Variants in NPR3 observed in about 807,000 individuals in gnomAD.
NPR3 encodes atrial natriuretic peptide receptor 3.
In NPR3, 34 loss-of-function variants were observed where a neutral mutation model predicts 54.5. The ratio of observed to expected loss-of-function variants is 0.62; its 90% CI spans 0.47 to 0.83. NPR3 has a LOEUF of 0.83. Ranked by LOEUF, NPR3 falls within the 40% of genes least tolerant of loss-of-function variation. The pLI is 0.00. For synonymous variants in NPR3, 289 were observed against 297.1 expected (o/e 0.97, Z 0.28); for missense variants, 674 against 720.8 (o/e 0.94, Z 0.74).
chr5:32,745,002 A>G (rs1740222733), intron 3 of NPR3, among the ~76,000 whole-genome samples: 1 of 152,190 alleles, frequency 6.6e-6, no homozygotes, highest in African/African-American at 2.4e-5. Flanking sequence ...TATTGAATAG[A>G]AAGTACGTCA....
At chr5:32,733,209 C>T (rs564697525) in intron 2 of NPR3, among the ~76,000 whole-genome samples, 8 of 151,938 alleles carry the variant, frequency 5.3e-5, no homozygotes, top group East Asian at 1.9e-4. Flanking sequence ...ATTGATAGTG[C>T]GTCCATTATT....
At chr5:32,715,440 G>A (rs974596611) in intron 1 of NPR3, among the ~76,000 whole-genome samples, 2 of 151,970 alleles carry the variant, frequency 1.3e-5, no homozygotes, top group Non-Finnish European at 2.9e-5. Flanking sequence ...ATAATAATGC[G>A]ACTAAAATTT....
intron 1 of NPR3, among the ~76,000 whole-genome samples, chr5:32,723,366 G>A (rs965957577): frequency 6.6e-6 from 1 of 152,164 alleles, no homozygotes; most frequent in African/African-American, 2.4e-5. Context: ...AATTCGAGAG[G>A]CTCTCGAGTT....
rs1389727498 is a variant in NPR3 at position 32,694,789 on chromosome 5, A to C, written c.100+5603A>C. 4.6e-5 allele frequency among the ~76,000 whole-genome samples: 7 copies of C among 152,158 alleles called. 1 individual carries two copies. Among genetic ancestry groups the C allele is most frequent in the African/African-American group, 1.7e-4 (7 of 41,414 alleles). On this transcript the variant is annotated intron_variant, in intron 1 of 5. Coordinates refer to the NPR3 transcript ENST00000509104. ...ACCCTGTGGTGCTATAAAATACTAG[A>C]TCTTATTCATTTTATCTAAGTATAT...
chr5:32,733,127 G>A lies in NPR3; in HGVS notation c.893-5737G>A, dbSNP rs535979231. Among the ~76,000 whole-genome samples the A allele has an allele frequency of 3.9e-5, 6 of 152,218 alleles. No individual in the cohort carries two copies. The South Asian group carries it at 1.0e-3, about 26-fold the overall frequency. ...CCCAAAGTGCTGGGATTACAGACGTGAGCCACCGTGCCCGGCCAAGGCATC... is the reference window on the plus strand; with the variant it reads ...CCCAAAGTGCTGGGATTACAGACGTAAGCCACCGTGCCCGGCCAAGGCATC... On this transcript the variant is annotated intron_variant, in intron 2 of 7. Coordinates refer to ENST00000265074, the MANE Select transcript of NPR3 (RefSeq NM_001204375.2).
Position 32,789,318 on chromosome 5 carries a change from T to A in NPR3, c.*2973T>A, listed in dbSNP as rs1331663689. The A allele has an allele frequency of 9.2e-6, 4 of 434,980 alleles. No individual in the cohort carries two copies. Among genetic ancestry groups the A allele is most frequent in the Admixed American group, 5.7e-5 (2 of 35,398 alleles). The allele number at this position is 434,980 out of a possible 1,614,324, so 26.9% of individuals were successfully genotyped here. ...GGCCAGGTAGGGGGAGACTCAGAAA[T>A]AAAAGCGTTCCCCAGATAACTTCAA... On this transcript the variant is annotated 3_prime_UTR_variant, in exon 8 of 8. Transcript: ENST00000265074.
intron 3 of NPR3, among the ~76,000 whole-genome samples, chr5:32,763,069 C>T (rs996987547): frequency 1.3e-5 from 2 of 152,196 alleles, no homozygotes; most frequent in Admixed American, 6.5e-5. Context: ...GTTTTTCCAA[C>T]ACCATTTATT....
At position 32,759,930 on chromosome 5, in the gene NPR3, G is replaced by T. The variant is rs949194034; in HGVS notation, c.1060-14778G>T. ...CTTTTCTTTAAGAATGTTGAATATT[G>T]GCCCCCACTCTCTTCTGGCTTGTAG... On this transcript the variant is annotated intron_variant, in intron 3 of 7. Transcript: ENST00000265074. Among the ~76,000 whole-genome samples the T allele has an allele frequency of 5.9e-5, 9 of 152,114 alleles. No homozygotes were observed. The East Asian group carries it at 1.5e-3, about 26-fold the overall frequency.
chr5:32,750,390 C>G (rs1474180229), intron 3 of NPR3, among the ~76,000 whole-genome samples: 3 of 152,202 alleles, frequency 2.0e-5, no homozygotes, highest in African/African-American at 7.2e-5. Flanking sequence ...CCCACCTCAG[C>G]CTTCCAAAGT....
Position 32,786,351 on chromosome 5 carries a change from G to GC in NPR3, c.*12dup. ...CCCATTTTTCAGTAGCTTAAAGGAAGCCCCCCACTTTTTTTTTTTCTGCCT... is the reference window on the plus strand; with the variant it reads ...CCCATTTTTCAGTAGCTTAAAGGAAGCCCCCCCACTTTTTTTTTTTCTGCCT... On this transcript the variant is annotated 3_prime_UTR_variant, in exon 8 of 8. Transcript: ENST00000265074. 2.3e-6 allele frequency: 3 copies of GC among 1,278,722 alleles called. No homozygotes were observed. The highest frequency in any genetic ancestry group is 3.4e-6 in the Non-Finnish European group (3 of 892,126). 79.2% of individuals were successfully genotyped at this position (1,278,722 alleles called of 1,614,324 possible).
upstream of NPR3, among the ~76,000 whole-genome samples, chr5:32,706,396 T>C (rs1039790808): frequency 6.6e-6 from 1 of 152,226 alleles, no homozygotes; most frequent in East Asian, 1.9e-4. Flanking sequence ...TTTACCAACA[T>C]GATCCTGAAG....
chr5:32,770,738 T>A (rs1323416822), intron 3 of NPR3, among the ~76,000 whole-genome samples: 1 of 152,214 alleles, frequency 6.6e-6, no homozygotes, highest in Non-Finnish European at 1.5e-5. Context: ...TTCTCCCAGT[T>A]TTCTGAGCAT....
intron 1 of NPR3, among the ~76,000 whole-genome samples, chr5:32,719,322 G>A (rs976831757): frequency 6.6e-6 from 1 of 152,008 alleles, no homozygotes; most frequent in Non-Finnish European, 1.5e-5. Context: ...TGTTTTGTTG[G>A]ACCACATCCT....
chr5:32,762,784 C>T (rs1313104940), intron 3 of NPR3, among the ~76,000 whole-genome samples: 50 of 152,226 alleles, frequency 3.3e-4, no homozygotes, highest in Non-Finnish European at 1.5e-5. Flanking sequence ...TGTAGGTTGC[C>T]TGTTCACTCT....
At chr5:32,710,767 T>C, upstream of NPR3, 8 of 1,545,920 alleles carry the variant, frequency 5.2e-6, no homozygotes, top group Non-Finnish European at 7.0e-6. Flanking sequence ...GGAGGGAATG[T>C]GGCCAGAACG....
chr5:32,699,079 A>T (rs1373782945), intron 1 of NPR3, among the ~76,000 whole-genome samples: 2 of 151,930 alleles, frequency 1.3e-5, no homozygotes, highest in Non-Finnish European at 2.9e-5. Context: ...CCTTTTAGTG[A>T]GGGTGATTTT....
At chr5:32,709,285 G>C (rs1482244298), upstream of NPR3, 1 of 152,152 alleles carries the variant, frequency 6.6e-6, no homozygotes, top group East Asian at 1.9e-4. Flanking sequence ...GTAGGACTGG[G>C]TCTCCGAGGC....
intron 1 of NPR3, among the ~76,000 whole-genome samples, chr5:32,701,861 T>G (rs760382245): frequency 6.6e-6 from 1 of 152,222 alleles, no homozygotes; most frequent in Admixed American, 6.5e-5. Flanking sequence ...CTTCCATTTA[T>G]TTTCTGCCAA....
chr5:32,754,232 T>C (rs1439898714), intron 3 of NPR3, among the ~76,000 whole-genome samples: 2 of 152,184 alleles, frequency 1.3e-5, no homozygotes, highest in African/African-American at 2.4e-5. Flanking sequence ...TGATGGGTAT[T>C]AAAACAATCG....
Sources: allele counts gnomAD v4.1 joint callset (sites outside exome capture counted in the v4.1 genomes callset), GRCh38; gene constraint gnomAD v4.1.1; transcripts MANE v1.5; gene names NCBI Gene and HGNC (gene_info 2026-07-23, HGNC 2026-07-21).